ZNF185: variants seen among roughly 807,000 people sequenced by gnomAD.
ZNF185 encodes the protein zinc finger protein 185.
A neutral mutation model predicts 58.6 loss-of-function variants in ZNF185; 56 were observed. That is an observed-to-expected ratio of 0.95 (90% CI 0.77 to 1.19). The LOEUF is 1.19. Ranked by LOEUF, ZNF185 falls within the 50% of genes most tolerant of loss-of-function variation. The pLI, the probability that ZNF185 is intolerant of heterozygous loss-of-function variation, is 0.00. For synonymous variants in ZNF185, 230 were observed against 215.9 expected (o/e 1.07, Z -0.57); for missense variants, 627 against 573.5 (o/e 1.09, Z -0.95).
chrX:152,932,566 C>CTAT (rs1396314885), intron 13 of ZNF185, among the ~76,000 whole-genome samples: 31 of 112,227 alleles, frequency 2.8e-4, no homozygotes, highest in Admixed American at 9.4e-5. Context: ...AGGAATCCCT[C>CTAT]TATGGCTTAT....
intron 12 of ZNF185, among the ~76,000 whole-genome samples, chrX:152,929,257 C>T (rs1048271881): frequency 3.8e-5 from 4 of 104,733 alleles, no homozygotes; most frequent in Non-Finnish European, 6.0e-5. Flanking sequence ...GCAGGGAGCA[C>T]GAGGGGCTCA....
At chrX:152,910,926 G>C (rs1937081889), upstream of ZNF185, among the ~76,000 whole-genome samples, 1 of 112,222 alleles carries the variant, frequency 8.9e-6, no homozygotes, top group African/African-American at 3.2e-5. Context: ...CCTGCTCTCT[G>C]TGAAGGGCTG....
At chrX:152,907,473 C>T in the ZNF185 span, among the ~76,000 whole-genome samples, 2 of 113,196 alleles carry the variant, frequency 1.8e-5, no homozygotes, top group African/African-American at 6.4e-5. Context: ...CATTTGGAGG[C>T]CATCTGAATT....
chrX:152,953,829 C>T (rs1243769400), intron 16 of ZNF185, among the ~76,000 whole-genome samples: 2 of 112,211 alleles, frequency 1.8e-5, no homozygotes, highest in African/African-American at 6.5e-5. Context: ...CAACCACCAC[C>T]TCCCGGGTTT....
chrX:152,954,777 G>A (rs183432575), intron 16 of ZNF185, among the ~76,000 whole-genome samples: 2 of 112,330 alleles, frequency 1.8e-5, no homozygotes, highest in African/African-American at 6.5e-5. Flanking sequence ...ACACCTATGA[G>A]ACATGTAAGA....
the ZNF185 span, among the ~76,000 whole-genome samples, chrX:152,901,616 G>C: frequency 9.0e-6 from 1 of 111,492 alleles, no homozygotes; most frequent in Non-Finnish European, 1.9e-5. Context: ...GCTGTTGTCA[G>C]TTCATTTTTC....
intron 1 of ZNF185, 54 bp from the exon 3 acceptor site, chrX:152,914,656 G>T (rs1451246132): frequency 1.7e-6 from 2 of 1,181,746 alleles, no homozygotes; most frequent in Admixed American, 4.8e-5. Flanking sequence ...AAAGGAGGTC[G>T]AGGGTCCTGG....
At position 152,922,163 on chromosome X, in the gene ZNF185, T is replaced by A; in HGVS notation, c.657-10T>A. ...AAGACCACGAGCGCTGTTTCTCTTC[T>A]TGCTCAAAGGGTGGAGGTGGTGGAA... On this transcript the variant is annotated splice_polypyrimidine_tract_variant and intron_variant, in intron 9 of 22. Coordinates refer to ENST00000449285, the Ensembl canonical transcript of ZNF185. 1 of 1,190,581 alleles carries A rather than the reference T, an allele frequency of 8.4e-7. No homozygotes were observed. Among genetic ancestry groups the A allele is most frequent in the Non-Finnish European group, 1.1e-6 (1 of 884,593 alleles).
the ZNF185 span, among the ~76,000 whole-genome samples, chrX:152,901,120 C>T: frequency 3.2e-4 from 36 of 112,629 alleles, no homozygotes; most frequent in African/African-American, 1.2e-3. Flanking sequence ...TTAGAAATTA[C>T]TGCTGATGAT....
chrX:152,910,310 A>T (rs1364468411), upstream of ZNF185, among the ~76,000 whole-genome samples: 1 of 112,384 alleles, frequency 8.9e-6, no homozygotes, highest in African/African-American at 3.2e-5. Context: ...CACACAGAAG[A>T]TACACGTTCA....
chrX:152,914,746 A>C (rs1938030522), exon 2 of ZNF185: 2 of 1,198,215 alleles, frequency 1.7e-6, no homozygotes, highest in Non-Finnish European at 2.2e-6. Flanking sequence ...GAGCGCAATA[A>C]CGTTCTCAAG....
intron 15 of ZNF185, among the ~76,000 whole-genome samples, chrX:152,944,305 G>GTAGT (rs2047553136): frequency 8.9e-6 from 1 of 112,582 alleles, no homozygotes; most frequent in Non-Finnish European, 1.9e-5. Context: ...GAGTCCCAGG[G>GTAGT]TAGTTTGTAG....
At chrX:152,967,529 C>T (rs1347687760) in intron 20 of ZNF185, among the ~76,000 whole-genome samples, 1 of 111,946 alleles carries the variant, frequency 8.9e-6, no homozygotes, top group African/African-American at 3.3e-5. Flanking sequence ...AGGAGGGGCC[C>T]TTCAGATTAG....
chrX:152,938,121 ACAGCACAG>A lies in ZNF185; in HGVS notation c.1174_1181del (p.Thr392ProfsTer14). 1 of 1,185,890 alleles carries A rather than the reference ACAGCACAG, an allele frequency of 8.4e-7. No individual in the cohort carries two copies. Among genetic ancestry groups the A allele is most frequent in the Non-Finnish European group, 1.1e-6 (1 of 882,175 alleles). On this transcript the variant is annotated frameshift_variant, in exon 15 of 23. Coordinates refer to ENST00000449285, the Ensembl canonical transcript of ZNF185. LOFTEE classifies it high-confidence loss of function. ...GCTGTCCCTGCTGATAGGAAGAGCA[ACAGCACAG>A]CAGCCCAGGAGGATGCAAAGGCAGA...
chrX:152,960,053 C>G (rs968072028), intron 17 of ZNF185, 157 bp downstream of exon 19: 36 of 477,238 alleles, frequency 7.5e-5, no homozygotes, highest in Non-Finnish European at 1.2e-4. Flanking sequence ...ACCAGCATCT[C>G]AGGGGTAGAT....
the ZNF185 span, among the ~76,000 whole-genome samples, chrX:152,905,572 A>G: frequency 8.9e-6 from 1 of 112,154 alleles, no homozygotes; most frequent in Non-Finnish European, 1.9e-5. Context: ...CACTAGGTCC[A>G]GTGGAGGCTC....
At chrX:152,959,113 G>GC (rs1478004489) in intron 16 of ZNF185, among the ~76,000 whole-genome samples, 2 of 112,734 alleles carry the variant, frequency 1.8e-5, no homozygotes, top group East Asian at 2.8e-4. Context: ...TCTCATAATG[G>GC]CCCCGCCTAA....
intron 16 of ZNF185, among the ~76,000 whole-genome samples, chrX:152,948,437 G>T (rs2047986718): frequency 9.0e-6 from 1 of 111,418 alleles, no homozygotes; most frequent in African/African-American, 3.3e-5. Context: ...GGCAGAGGGT[G>T]CCTACGTGAC....
chrX:152,915,745 G>A (rs967386220), intron 3 of ZNF185, among the ~76,000 whole-genome samples: 3 of 112,291 alleles, frequency 2.7e-5, no homozygotes, highest in Middle Eastern at 4.7e-3. Flanking sequence ...CTCTCTTTTG[G>A]GGGCTTTTCC....
Sources: gnomAD v4.1 joint callset for allele counts (sites outside exome capture counted in the v4.1 genomes callset) on GRCh38, gnomAD v4.1.1 for gene constraint, MANE v1.5 for transcripts, NCBI Gene and HGNC (gene_info 2026-07-23, HGNC 2026-07-21) for gene names.